OPHN1: variants seen among roughly 807,000 people sequenced by gnomAD.
The protein encoded by OPHN1 is oligophrenin-1.
A neutral mutation model predicts 60.7 loss-of-function variants in OPHN1; 11 were observed. The observed-to-expected ratio is 0.18, with a 90% CI of 0.11 to 0.30. OPHN1 has a LOEUF of 0.30. Ranked by LOEUF, OPHN1 falls within the 10% of genes least tolerant of loss-of-function variation. The probability of loss-of-function intolerance (pLI) is 1.00; values close to 1 mark genes in which losing one functional copy is unlikely to be tolerated. For synonymous variants in OPHN1, 226 were observed against 222.6 expected, an observed-to-expected ratio of 1.02 and a Z score of -0.14; for missense variants, 449 against 611.0, an observed-to-expected ratio of 0.73 and a Z score of 2.80.
At chrX:68,240,954 ATATT>A (rs1238922346) in intron 5 of OPHN1, among the ~76,000 whole-genome samples, 1 of 112,311 alleles carries the variant, frequency 8.9e-6, no homozygotes, top group Non-Finnish European at 1.9e-5. Context: ...ATCATAAAAT[ATATT>A]TATTTTTTTA....
chrX:68,071,102 T>C (rs2076932363), intron 20 of OPHN1: 1 of 1,048,196 alleles, frequency 9.5e-7, no homozygotes. Context: ...AGCATATTAT[T>C]GATCAGGTGG....
chrX:68,085,039 A>C (rs1410067182), intron 19 of OPHN1, among the ~76,000 whole-genome samples: 1 of 112,404 alleles, frequency 8.9e-6, no homozygotes, highest in Non-Finnish European at 1.9e-5. Flanking sequence ...AAATATTGGC[A>C]ATTGCTGTAG....
chrX:68,086,029 A>G (rs1184095198), intron 19 of OPHN1, among the ~76,000 whole-genome samples: 1 of 109,605 alleles, frequency 9.1e-6, no homozygotes, highest in African/African-American at 3.3e-5. Flanking sequence ...AAATACAAAA[A>G]TTAGCCGGGA....
At chrX:68,276,382 G>A (rs974153830) in intron 4 of OPHN1, among the ~76,000 whole-genome samples, 1 of 111,386 alleles carries the variant, frequency 9.0e-6, no homozygotes, top group Non-Finnish European at 1.9e-5. Context: ...ATTCCACCCT[G>A]CAAGAGCCCC....
intron 2 of OPHN1, among the ~76,000 whole-genome samples, chrX:68,307,502 C>T (rs1336252712): frequency 1.9e-5 from 2 of 107,369 alleles, no homozygotes; most frequent in African/African-American, 6.9e-5. Flanking sequence ...ATATACGAAA[C>T]TCCATGTGAA....
intron 3 of OPHN1, among the ~76,000 whole-genome samples, chrX:68,297,211 A>G (rs1285870460): frequency 8.9e-6 from 1 of 112,019 alleles, no homozygotes; most frequent in Non-Finnish European, 1.9e-5. Context: ...TTATATTAAT[A>G]ATAATGTTGA....
rs1342960653 is a variant in OPHN1, at chrX:68,429,493, G to A, written c.154+3374C>T. ...AATCCCAACACTTTGAGAGGCCGTG[G>A]TGGGAGGCTTGCTTGAGCCCAGGAA... On this transcript the variant is annotated intron_variant, in intron 2 of 24. Coordinates refer to ENST00000355520, the MANE Select transcript of OPHN1 (RefSeq NM_002547.3). Among the ~76,000 whole-genome samples, 6 of 111,068 alleles carry A rather than the reference G, an allele frequency of 5.4e-5. No homozygotes were observed. The East Asian group carries it at 8.4e-4, about 16-fold the overall frequency.
chrX:68,317,360 AAAGAAAGAAAGAAAGAAAGGAAGG>A (rs1403962706), intron 2 of OPHN1, among the ~76,000 whole-genome samples: 26 of 66,580 alleles, frequency 3.9e-4, no homozygotes, highest in African/African-American at 1.8e-3. Flanking sequence ...AGAAAGAAAG[AAAGAAAGAAAGAAAGAAAGGAAGG>A]AAGGAAGGAA....
chrX:68,249,355 C>A (rs1227677140), intron 5 of OPHN1, among the ~76,000 whole-genome samples: 1 of 111,986 alleles, frequency 8.9e-6, no homozygotes, highest in East Asian at 2.8e-4. Context: ...AGAGCAACTG[C>A]CCAACCAAAA....
chrX:68,297,413 T>G (rs1008670724), intron 3 of OPHN1, among the ~76,000 whole-genome samples: 1 of 111,506 alleles, frequency 9.0e-6, no homozygotes, highest in African/African-American at 3.3e-5. Flanking sequence ...TAAATAGTCA[T>G]GCACTTGGAC....
At chrX:68,337,512 C>A (rs2078329750) in intron 2 of OPHN1, among the ~76,000 whole-genome samples, 1 of 111,001 alleles carries the variant, frequency 9.0e-6, no homozygotes, top group South Asian at 3.7e-4. Context: ...TGTTTAAGTG[C>A]AAAACTTAAT....
At chrX:68,302,316 G>A (rs1186596508) in intron 2 of OPHN1, among the ~76,000 whole-genome samples, 4 of 111,958 alleles carry the variant, frequency 3.6e-5, no homozygotes, top group African/African-American at 1.3e-4. Context: ...AGAGCCAGGC[G>A]CAGTAGCTCA....
chrX:68,304,206 T>C (rs1209770278), intron 2 of OPHN1, among the ~76,000 whole-genome samples: 2 of 111,693 alleles, frequency 1.8e-5, no homozygotes, highest in African/African-American at 6.5e-5. Flanking sequence ...CAAATATGTA[T>C]CAAATAAAAA....
At chrX:68,138,581 A>G (rs2147472629) in intron 15 of OPHN1, among the ~76,000 whole-genome samples, 1 of 112,340 alleles carries the variant, frequency 8.9e-6, no homozygotes, top group South Asian at 3.7e-4. Context: ...GGCGTAGAAC[A>G]ATACAGCAGC....
intron 19 of OPHN1, among the ~76,000 whole-genome samples, chrX:68,077,736 A>G (rs1284227089): frequency 8.9e-6 from 1 of 112,355 alleles, no homozygotes; most frequent in African/African-American, 3.2e-5. Context: ...ATGTCAACAG[A>G]TACATTCCTG....
intron 2 of OPHN1, among the ~76,000 whole-genome samples, chrX:68,312,246 C>T (rs1047586745): frequency 6.0e-5 from 6 of 99,924 alleles, no homozygotes; most frequent in Admixed American, 1.1e-4. Flanking sequence ...CCACTAGGCT[C>T]GGCTAATTTT....
intron 16 of OPHN1, among the ~76,000 whole-genome samples, chrX:68,118,361 T>C (rs2077136293): frequency 8.9e-6 from 1 of 112,158 alleles, no homozygotes; most frequent in South Asian, 3.7e-4. Flanking sequence ...CTTTTCTTTA[T>C]CAGCAGATGC....
Position 68,235,740 on chromosome X carries a change from C to A in OPHN1, c.385-1152G>T, listed in dbSNP as rs762890743. On this transcript the variant is annotated intron_variant, in intron 5 of 24. Coordinates refer to ENST00000355520, the MANE Select transcript of OPHN1 (RefSeq NM_002547.3). ...GGGCTTGGTGGTGCACGCCTGTAATCCCAGCTACTTGGGAGGCTGAGGCAG... is the reference window on the plus strand; with the variant it reads ...GGGCTTGGTGGTGCACGCCTGTAATACCAGCTACTTGGGAGGCTGAGGCAG... Among the ~76,000 whole-genome samples, 40 of 109,327 alleles carry A rather than the reference C, an allele frequency of 3.7e-4. No individual in the cohort carries two copies. In the South Asian group the frequency reaches 8.1e-3, roughly 22 times the overall value. The allele number at this position is 109,327 out of a possible 115,157, so 94.9% of individuals were successfully genotyped here.
At chrX:68,373,380 A>G (rs1787824587) in intron 2 of OPHN1, among the ~76,000 whole-genome samples, 2 of 112,340 alleles carry the variant, frequency 1.8e-5, no homozygotes, top group Non-Finnish European at 3.8e-5. Flanking sequence ...ATTCACAGTC[A>G]GGGTCCAGAA....
Sources: gnomAD v4.1 joint callset for allele counts (sites outside exome capture counted in the v4.1 genomes callset) on GRCh38, gnomAD v4.1.1 for gene constraint, MANE v1.5 for transcripts, NCBI Gene and HGNC (gene_info 2026-07-23, HGNC 2026-07-21) for gene names.